The following RSAD2 variants were observed in gnomAD, a reference collection of about 807,000 sequenced individuals.
RSAD2 encodes S-adenosylmethionine-dependent nucleotide dehydratase RSAD2.
In RSAD2, 38 loss-of-function variants were observed where a neutral mutation model predicts 37.7. The ratio of observed to expected loss-of-function variants is 1.01; its 90% CI spans 0.78 to 1.32. The LOEUF is 1.32. Among genes scored for constraint, RSAD2 ranks in the 40% most tolerant of loss-of-function variants. The pLI is 0.00. For missense variants in RSAD2, 428 were observed against 437.5 expected, an observed-to-expected ratio of 0.98 and a Z score of 0.19; for synonymous variants, 163 against 157.4, an observed-to-expected ratio of 1.04 and a Z score of -0.27.
chr2:6,891,791 A>G (rs1663636700), intron 4 of RSAD2, among the ~76,000 whole-genome samples: 1 of 151,288 alleles, frequency 6.6e-6, no homozygotes, highest in South Asian at 2.1e-4. Context: ...CAAAAAGAAT[A>G]ATACCAAAAA....
rs186324381 is a variant in RSAD2 at position 6,888,183 on chromosome 2, C to T, written c.738+1019C>T. Among the ~76,000 whole-genome samples, 266 of 152,278 alleles carry T rather than the reference C, an allele frequency of 1.7e-3. 2 individuals carry two copies. The highest frequency in any genetic ancestry group is 6.0e-3 in the African/African-American group (251 of 41,546). ...GCTGTTTTTTTAAATCCCATGTCAGCATTCCAAATAGAGTTAGGGAAGAGG... is the reference window on the plus strand; with the variant it reads ...GCTGTTTTTTTAAATCCCATGTCAGTATTCCAAATAGAGTTAGGGAAGAGG... On this transcript the variant is annotated intron_variant, in intron 3 of 5. Transcript: ENST00000382040.
At position 6,878,146 on chromosome 2, in the gene RSAD2, G is replaced by T. The variant is rs1256932442; in HGVS notation, c.346G>T (p.Gly116Cys). The T allele has an allele frequency of 6.2e-7, 1 of 1,611,802 alleles. No homozygotes were observed. Among genetic ancestry groups the T allele is most frequent in the South Asian group, 1.1e-5 (1 of 90,558 alleles). Residue 116 changes from glycine (G) to cysteine (C), a missense_variant and splice_region_variant, in exon 1 of 6, where the codon GGT (glycine) becomes TGT (cysteine). Transcript: ENST00000382040. ...KRGLLLLKEA[G>C]MEKINFSGGE... ...AGGATTGCTTTTGCTTAAGGAAGCT[G>T]GTGAGTACATGGTCCTAGACAGAAA...
chr2:6,894,997 A>G (rs1444637374), intron 5 of RSAD2, among the ~76,000 whole-genome samples: 1 of 152,212 alleles, frequency 6.6e-6, no homozygotes, highest in Non-Finnish European at 1.5e-5. Flanking sequence ...ACATCGTTGA[A>G]CCAAAATTTG....
At chr2:6,878,297 G>A in intron 1 of RSAD2, 151 bp downstream of exon 1, 2 of 672,094 alleles carry the variant, frequency 3.0e-6, no homozygotes, top group South Asian at 2.0e-5. Flanking sequence ...GTTGTCCTAT[G>A]AGAAAATAAT....
Position 6,887,060 on chromosome 2 carries a change from A to G in RSAD2, c.634A>G (p.Arg212Gly), listed in dbSNP as rs765955487. Reference protein sequence around the residue: ...ENLQKLRRWCRDYRVAFKINS... With the variant: ...ENLQKLRRWCGDYRVAFKINS... ...CCTTCAAAAGCTGAGGAGGTGGTGTAGGGATTATAGAGTCGCTTTCAAGAT... is the reference window on the plus strand; with the variant it reads ...CCTTCAAAAGCTGAGGAGGTGGTGTGGGGATTATAGAGTCGCTTTCAAGAT... The change falls in exon 3 of 6, where the codon AGG becomes GGG. Residue 212 changes from arginine (R) to glycine (G), a missense_variant. Physicochemically the swap from Arg to Gly is moderately radical, Grantham distance 125 (BLOSUM62 -2). Transcript: ENST00000382040. 1 of 1,614,222 alleles carries G rather than the reference A, an allele frequency of 6.2e-7. No homozygotes were observed. The highest frequency in any genetic ancestry group is 8.5e-7 in the Non-Finnish European group (1 of 1,180,004).
At chr2:6,876,248 C>T (rs1397990257), upstream of RSAD2, among the ~76,000 whole-genome samples, 2 of 152,176 alleles carry the variant, frequency 1.3e-5, no homozygotes, top group Non-Finnish European at 2.9e-5. Flanking sequence ...GCTTCCCCTG[C>T]AGTAGGGTTC....
rs1384146571 is a variant in RSAD2 at position 6,896,300 on chromosome 2, C to T, written c.*358C>T. ...GGACCTGACATTTAGCTCAATGATG[C>T]GTTTGTAAGAAATAAGCTCTAGTGA... is the stretch of plus-strand genomic sequence containing the variant. On this transcript the variant is annotated 3_prime_UTR_variant, in exon 6 of 6. Coordinates refer to ENST00000382040, the MANE Select transcript of RSAD2 (RefSeq NM_080657.5). The T allele has an allele frequency of 2.4e-5, 4 of 168,618 alleles. No individual in the cohort carries two copies. Among genetic ancestry groups the T allele is most frequent in the East Asian group, 1.6e-4 (1 of 6,094 alleles). The allele number at this position is 168,618 out of a possible 1,614,324, so 10.4% of individuals were successfully genotyped here. A position where few individuals can be genotyped will look rare whatever the true frequency, so the allele number is the denominator to read the frequency against.
intron 1 of RSAD2, among the ~76,000 whole-genome samples, chr2:6,882,677 G>T (rs1663437484): frequency 6.6e-6 from 1 of 152,190 alleles, no homozygotes; most frequent in Admixed American, 6.5e-5. Context: ...ACAGTGAATA[G>T]AGAGAGATTC....
In RSAD2 at chr2:6,898,071, A is replaced by G. The variant is rs1324383790; in HGVS notation, c.*2129A>G. 6.6e-6 allele frequency: 1 copy of G among 151,240 alleles called. No homozygotes were observed. Among genetic ancestry groups the G allele is most frequent in the African/African-American group, 2.4e-5 (1 of 41,172 alleles). The allele number at this position is 151,240 out of a possible 1,614,324, so 9.4% of individuals were successfully genotyped here. A position where few individuals can be genotyped will look rare whatever the true frequency, so the allele number is the denominator to read the frequency against. On this transcript the variant is annotated 3_prime_UTR_variant, in exon 6 of 6. Transcript: ENST00000382040. ...TGTGAAAGCCCAAGGACACTGTTTG[A>G]TATACAGCAGGTATTCAATCAGTGT...
chr2:6,875,059 T>C (rs2103237259), upstream of RSAD2, among the ~76,000 whole-genome samples: 1 of 152,326 alleles, frequency 6.6e-6, no homozygotes, highest in African/African-American at 2.4e-5. Context: ...ATCTAAAGCC[T>C]GCCTTGATTT....
Position 6,895,946 on chromosome 2 carries a change from G to A in RSAD2, c.*4G>A, listed in dbSNP as rs368448103. 5.1e-5 allele frequency: 83 copies of A among 1,612,318 alleles called. No individual in the cohort carries two copies. Among genetic ancestry groups the A allele is most frequent in the Non-Finnish European group, 5.9e-5 (70 of 1,178,822 alleles). ...TGATCTGAAGCTGGATTGGTAGAGC[G>A]GAAAGTGGAACGAGACTTCAACACA... is the stretch of plus-strand genomic sequence containing the variant. On this transcript the variant is annotated 3_prime_UTR_variant, in exon 6 of 6. Transcript: ENST00000382040.
chr2:6,876,447 G>C (rs1572152851), upstream of RSAD2, among the ~76,000 whole-genome samples: 1 of 152,124 alleles, frequency 6.6e-6, no homozygotes, highest in Non-Finnish European at 1.5e-5. Context: ...TAACCCAAAA[G>C]AATTTGATTC....
rs140101242 is a variant in RSAD2, at chr2:6,897,890, A to T, written c.*1948A>T. On this transcript the variant is annotated 3_prime_UTR_variant, in exon 6 of 6. Transcript: ENST00000382040. ...CGTACACTTGTAATTCCAGCTACTC[A>T]AGAGGCTGAGGCAGGAGGATTGCTT... The T allele has an allele frequency of 0.018, 2,742 of 151,960 alleles. 63 individuals are homozygous for T. Among genetic ancestry groups the T allele is most frequent in the South Asian group, 0.094 (452 of 4,792 alleles). 9.4% of individuals were successfully genotyped at this position (151,960 alleles called of 1,614,324 possible).
chr2:6,877,597 C>T (rs574471771), upstream of RSAD2: 20 of 572,766 alleles, frequency 3.5e-5, no homozygotes, highest in East Asian at 3.5e-4. Context: ...ATGCTCGCCC[C>T]GATCTCTAGT....
rs1477238876 is a variant in RSAD2 at position 6,896,775 on chromosome 2, G to A, written c.*833G>A. 1 of 152,192 alleles carries A rather than the reference G, an allele frequency of 6.6e-6. No individual in the cohort carries two copies. Among genetic ancestry groups the A allele is most frequent in the Non-Finnish European group, 1.5e-5 (1 of 68,050 alleles). 9.4% of individuals were successfully genotyped at this position (152,192 alleles called of 1,614,324 possible). A position where few individuals can be genotyped will look rare whatever the true frequency, so the allele number is the denominator to read the frequency against. On this transcript the variant is annotated 3_prime_UTR_variant, in exon 6 of 6. Transcript: ENST00000382040. ...GTGTCCCTTTCTCTTCAAAGATCCT[G>A]AGCAAAACAAAGATACGCTTTCCAT...
intron 1 of RSAD2, 77 bp from the exon 2 acceptor site, chr2:6,883,294 G>T: frequency 6.8e-7 from 1 of 1,473,728 alleles, no homozygotes; most frequent in South Asian, 1.2e-5. Context: ...TTTTTACATT[G>T]AGAAAATACT....
At chr2:6,885,718 G>A (rs1663504253) in intron 2 of RSAD2, among the ~76,000 whole-genome samples, 1 of 152,180 alleles carries the variant, frequency 6.6e-6, no homozygotes, top group Non-Finnish European at 1.5e-5. Flanking sequence ...ATCCTCAGAT[G>A]ACTTGGAAAT....
chr2:6,894,899 A>G (rs1311811568), intron 5 of RSAD2, among the ~76,000 whole-genome samples: 2 of 152,234 alleles, frequency 1.3e-5, no homozygotes, highest in African/African-American at 4.8e-5. Context: ...CAAACAATTT[A>G]TTTTTGGAGT....
intron 3 of RSAD2, among the ~76,000 whole-genome samples, chr2:6,889,125 C>A (rs1316022536): frequency 1.3e-5 from 2 of 152,246 alleles, no homozygotes; most frequent in Middle Eastern, 3.4e-3. Flanking sequence ...GTCAAAGTCC[C>A]TGGAAAAAAA....
Sources: gnomAD v4.1 joint callset for allele counts (sites outside exome capture counted in the v4.1 genomes callset) on GRCh38, gnomAD v4.1.1 for gene constraint, MANE v1.5 for transcripts, NCBI Gene and HGNC (gene_info 2026-07-23, HGNC 2026-07-21) for gene names.